GPC5: variants seen among roughly 807,000 people sequenced by gnomAD.
GPC5 encodes glypican 5, also known as glypican-5.
In GPC5, 47 loss-of-function variants were observed where a neutral mutation model predicts 53.9. The ratio of observed to expected loss-of-function variants is 0.87; its 90% CI spans 0.69 to 1.11. The LOEUF (loss-of-function observed/expected upper bound fraction) is 1.11. Ranked by LOEUF, GPC5 falls within the 50% of genes most tolerant of loss-of-function variation. The pLI is 0.00. For synonymous variants in GPC5, 286 were observed against 263.3 expected (o/e 1.09, Z -0.84); for missense variants, 748 against 713.1 (o/e 1.05, Z -0.56).
chr13:91,924,364 T>G (rs1444902479), intron 6 of GPC5, among the ~76,000 whole-genome samples: 1 of 152,154 alleles, frequency 6.6e-6, no homozygotes, highest in Non-Finnish European at 1.5e-5. Flanking sequence ...TCGCTCATAA[T>G]AGATTTTTCA....
chr13:92,700,559 T>TGAG lies in GPC5; in HGVS notation c.1562-165722_1562-165720dup, dbSNP rs569670921. Reference sequence around the variant, plus strand: ...CATCAATGTTCTTTACAATTTGGTATGAGTTTTTAACAAATAAATACTGGA... The same window carrying TGAG: ...CATCAATGTTCTTTACAATTTGGTATGAGGAGTTTTTAACAAATAAATACTGGA... On this transcript the variant is annotated intron_variant, in intron 7 of 7. Transcript: ENST00000377067. Among the ~76,000 whole-genome samples the TGAG allele has an allele frequency of 1.4e-4, 21 of 152,232 alleles. No homozygotes were observed. The South Asian group carries it at 4.3e-3, about 32-fold the overall frequency.
chr13:92,005,971 T>A (rs2040602985), intron 6 of GPC5, among the ~76,000 whole-genome samples: 1 of 152,106 alleles, frequency 6.6e-6, no homozygotes, highest in Non-Finnish European at 1.5e-5. Context: ...CTGATAAACC[T>A]TTTTTTCTGG....
chr13:91,688,965 C>A (rs889516436), intron 2 of GPC5, among the ~76,000 whole-genome samples: 4 of 151,258 alleles, frequency 2.6e-5, no homozygotes, highest in African/African-American at 7.3e-5. Context: ...TTGGAACCAG[C>A]CTGGGCAACA....
intron 7 of GPC5, among the ~76,000 whole-genome samples, chr13:92,420,074 A>C (rs1485739656): frequency 6.6e-6 from 1 of 152,176 alleles, no homozygotes; most frequent in Non-Finnish European, 1.5e-5. Flanking sequence ...CCTTATTAAC[A>C]TATTTCCTCC....
chr13:91,722,405 T>A (rs552708793), intron 3 of GPC5, among the ~76,000 whole-genome samples: 1 of 152,360 alleles, frequency 6.6e-6, no homozygotes, highest in African/African-American at 2.4e-5. Flanking sequence ...GGATTTTCCT[T>A]TAAGAGCCTG....
At chr13:91,638,290 AT>A (rs1300090140) in intron 2 of GPC5, among the ~76,000 whole-genome samples, 1 of 151,276 alleles carries the variant, frequency 6.6e-6, no homozygotes, top group Non-Finnish European at 1.5e-5. Context: ...AAATCTTTGT[AT>A]TTTTCCTTAT....
At chr13:92,402,041 A>G (rs1875582016) in intron 7 of GPC5, among the ~76,000 whole-genome samples, 1 of 152,166 alleles carries the variant, frequency 6.6e-6, no homozygotes, top group South Asian at 2.1e-4. Flanking sequence ...TCCTATTGAA[A>G]GCAATTGAAA....
At chr13:91,439,100 G>C (rs974182790) in intron 1 of GPC5, among the ~76,000 whole-genome samples, 5 of 152,166 alleles carry the variant, frequency 3.3e-5, no homozygotes, top group African/African-American at 7.2e-5. Context: ...GCCTTCCCAG[G>C]CTCTTTTGAA....
chr13:92,363,633 G>A (rs2043586035), intron 7 of GPC5, among the ~76,000 whole-genome samples: 1 of 151,682 alleles, frequency 6.6e-6, no homozygotes, highest in Admixed American at 6.5e-5. Flanking sequence ...CCAGTCCAGG[G>A]CCTGGGGGTT....
In GPC5 at chr13:91,550,807, T is replaced by C. The variant is rs1434684100; in HGVS notation, c.325+101885T>C. 2.6e-5 allele frequency among the ~76,000 whole-genome samples: 4 copies of C among 152,220 alleles called. No homozygotes were observed. In the East Asian group the frequency reaches 5.8e-4, roughly 22 times the overall value. On this transcript the variant is annotated intron_variant, in intron 2 of 7. Transcript: ENST00000377067. ...CTCATGGGGGCAGTTTCCCCCATAC[T>C]GTTCTTGTGGTGAATAAGTCTCAGA...
chr13:92,719,615 C>G (rs891803572), intron 7 of GPC5, among the ~76,000 whole-genome samples: 13 of 152,038 alleles, frequency 8.6e-5, no homozygotes, highest in Non-Finnish European at 7.4e-5. Context: ...CTAACAATTC[C>G]AAAATCCTAA....
chr13:92,138,708 A>C (rs897431994), intron 6 of GPC5, among the ~76,000 whole-genome samples: 1 of 152,058 alleles, frequency 6.6e-6, no homozygotes, highest in African/African-American at 2.4e-5. Context: ...TATTTCTTGA[A>C]AGCGATTTAA....
chr13:91,893,128 A>C (rs2039405271), intron 5 of GPC5, among the ~76,000 whole-genome samples: 1 of 152,020 alleles, frequency 6.6e-6, no homozygotes, highest in South Asian at 2.1e-4. Context: ...CTCACATATC[A>C]AAGATTTACA....
intron 7 of GPC5, among the ~76,000 whole-genome samples, chr13:92,741,287 G>T (rs1372386640): frequency 6.6e-6 from 1 of 151,604 alleles, no homozygotes; most frequent in Non-Finnish European, 1.5e-5. Context: ...CATGGGAGCG[G>T]AACTGGTTGC....
At chr13:91,987,186 T>C (rs1033885935) in intron 6 of GPC5, among the ~76,000 whole-genome samples, 1 of 152,206 alleles carries the variant, frequency 6.6e-6, no homozygotes, top group Non-Finnish European at 1.5e-5. Flanking sequence ...GTCAATAAAA[T>C]TCTACTGAAA....
At chr13:91,778,772 A>G (rs550484938) in intron 5 of GPC5, among the ~76,000 whole-genome samples, 2 of 152,322 alleles carry the variant, frequency 1.3e-5, no homozygotes, top group South Asian at 4.1e-4. Context: ...TCACTAAATA[A>G]TGAAGATAAT....
intron 5 of GPC5, among the ~76,000 whole-genome samples, chr13:91,803,252 A>T (rs767610208): frequency 9.2e-5 from 14 of 152,182 alleles, no homozygotes; most frequent in Non-Finnish European, 1.3e-4. Context: ...TCTAAAATGA[A>T]AATAGTTTAA....
At chr13:92,149,859 G>A (rs1183020226) in intron 7 of GPC5, among the ~76,000 whole-genome samples, 1 of 151,814 alleles carries the variant, frequency 6.6e-6, no homozygotes, top group Non-Finnish European at 1.5e-5. Context: ...TTTATAAAAT[G>A]TTATGTAGTC....
intron 5 of GPC5, among the ~76,000 whole-genome samples, chr13:91,822,619 A>T (rs773448707): frequency 1.3e-5 from 2 of 152,152 alleles, no homozygotes; most frequent in African/African-American, 4.8e-5. Flanking sequence ...TCATGAAAAC[A>T]GCACAGGAAA....
Sources: allele counts gnomAD v4.1 joint callset (sites outside exome capture counted in the v4.1 genomes callset), GRCh38; gene constraint gnomAD v4.1.1; transcripts MANE v1.5; gene names NCBI Gene and HGNC (gene_info 2026-07-23, HGNC 2026-07-21).